FXYD5: variants seen among roughly 807,000 people sequenced by gnomAD.
FXYD5 encodes the protein FXYD domain containing ion transport regulator 5.
A neutral mutation model predicts 25.7 loss-of-function variants in FXYD5; 21 were observed. The ratio of observed to expected loss-of-function variants is 0.82; its 90% CI spans 0.58 to 1.18. The LOEUF (loss-of-function observed/expected upper bound fraction) is 1.18. FXYD5 is among the 50% of genes most tolerant of loss of function. The pLI is 0.00. For synonymous variants in FXYD5, 101 were observed against 90.7 expected, an observed-to-expected ratio of 1.11 and a Z score of -0.64; for missense variants, 229 against 227.7, an observed-to-expected ratio of 1.01 and a Z score of -0.04.
chr19:35,160,507 C>G (rs961226829), intron 4 of FXYD5, among the ~76,000 whole-genome samples: 11 of 152,116 alleles, frequency 7.2e-5, no homozygotes, highest in Non-Finnish European at 1.6e-4. Context: ...CGACCACGCC[C>G]AGCTAATTTT....
intron 4 of FXYD5, 78 bp downstream of exon 4, chr19:35,158,478 C>T: frequency 1.1e-6 from 1 of 886,634 alleles, no homozygotes; most frequent in African/African-American, 1.6e-5. Flanking sequence ...CACTATAGGT[C>T]TTTGGTTGCC....
Position 35,155,749 on chromosome 19 carries a change from T to A in FXYD5, c.61+138T>A, listed in dbSNP as rs145018650. On this transcript the variant is annotated intron_variant, in intron 2 of 8. Coordinates refer to ENST00000392219, the MANE Select transcript of FXYD5 (RefSeq NM_014164.6). ...CTCCCGCTGAGCCGGCACCAGGAAG[T>A]GGGGATCCCTATGGCGGGGCGACGT... is the stretch of plus-strand genomic sequence containing the variant. 1,702 of 712,976 alleles carry A rather than the reference T, an allele frequency of 2.4e-3. 26 individuals are homozygous for A. In the African/African-American group the frequency reaches 0.026, roughly 11 times the overall value. The allele number at this position is 712,976 out of a possible 1,614,324, so 44.2% of individuals were successfully genotyped here.
At chr19:35,159,779 AG>A in intron 4 of FXYD5, 2 of 1,092,488 alleles carry the variant, frequency 1.8e-6, no homozygotes, top group Non-Finnish European at 2.5e-6. Flanking sequence ...AGAGGCTGTG[AG>A]TAACTGGTTC....
Position 35,157,537 on chromosome 19 carries a change from T to C in FXYD5, c.142+36T>C, listed in dbSNP as rs769416278. 3.9e-6 allele frequency: 4 copies of C among 1,038,180 alleles called. No homozygotes were observed. In the South Asian group the frequency reaches 3.9e-5, roughly 10 times the overall value. 64.3% of individuals were successfully genotyped at this position (1,038,180 alleles called of 1,614,324 possible). A position where few individuals can be genotyped will look rare whatever the true frequency, so the allele number is the denominator to read the frequency against. On this transcript the variant is annotated intron_variant, in intron 3 of 8. Transcript: ENST00000392219. ...GGACACATCTATCAAGATCCTGTCA[T>C]TGCAAATAACAACAGCAACAAAAAT...
intron 1 of FXYD5, 81 bp from the exon 2 acceptor site, chr19:35,155,470 A>G (rs562995130): frequency 2.6e-6 from 3 of 1,164,114 alleles, no homozygotes; most frequent in African/African-American, 1.5e-5. Flanking sequence ...GGGCAGGGAA[A>G]GGGCTGCAGG....
intron 2 of FXYD5, among the ~76,000 whole-genome samples, chr19:35,156,020 C>T (rs1446990940): frequency 6.6e-6 from 1 of 152,206 alleles, no homozygotes; most frequent in African/African-American, 2.4e-5. Flanking sequence ...AACATCTCAG[C>T]CTTGCCTGGA....
At chr19:35,166,645 A>T in intron 8 of FXYD5, 2 of 428,272 alleles carry the variant, frequency 4.7e-6, no homozygotes, top group South Asian at 6.8e-5. Context: ...TTGCCACATC[A>T]TCTTATCCTT....
chr19:35,164,292 C>A, intron 6 of FXYD5, 47 bp downstream of exon 6: 2 of 1,557,828 alleles, frequency 1.3e-6, no homozygotes, highest in Non-Finnish European at 1.7e-6. Context: ...TTTCTGTTCA[C>A]TGTGTATTTC....
chr19:35,157,528 A>T (rs1349938691), intron 3 of FXYD5, 27 bp downstream of exon 3: 1 of 1,113,802 alleles, frequency 9.0e-7, no homozygotes, highest in South Asian at 1.2e-5. Flanking sequence ...ATCTATCAAG[A>T]TCCTGTCATT....
At position 35,164,199 on chromosome 19, in the gene FXYD5, C is replaced by T; in HGVS notation, c.336C>T (p.Ser112=). ...DDTTTLSERP[S]PSTDVQTDPQ... Reference sequence around the variant, plus strand: ...CCACGACGCTCTCTGAGAGACCATCCCCAAGCACAGACGTCCAGACAGACC... The same window carrying T: ...CCACGACGCTCTCTGAGAGACCATCTCCAAGCACAGACGTCCAGACAGACC... The change falls in exon 6 of 9, where the codon TCC becomes TCT. Residue 112 remains serine, a synonymous_variant. Coordinates refer to ENST00000392219, the MANE Select transcript of FXYD5 (RefSeq NM_014164.6). 1 of 1,614,048 alleles carries T rather than the reference C, an allele frequency of 6.2e-7. No homozygotes were observed. Among genetic ancestry groups the T allele is most frequent in the South Asian group, 1.1e-5 (1 of 91,072 alleles).
At chr19:35,160,637 C>T (rs780741450) in intron 4 of FXYD5, 72 bp from the exon 5 acceptor site, 40 of 1,041,196 alleles carry the variant, frequency 3.8e-5, no homozygotes, top group Admixed American at 6.8e-5. Flanking sequence ...TAAGCCACCG[C>T]GCCCGGCCCC....
chr19:35,155,346 AG>A (rs2065343002), intron 1 of FXYD5: 1 of 590,400 alleles, frequency 1.7e-6, no homozygotes. Context: ...GGGGACCTGC[AG>A]GGGAAGGAAG....
chr19:35,167,571 A>G (rs1243788058), intron 8 of FXYD5, among the ~76,000 whole-genome samples: 1 of 152,206 alleles, frequency 6.6e-6, no homozygotes, highest in East Asian at 1.9e-4. Context: ...AATTTTTTAA[A>G]AAGGTTTTTA....
chr19:35,166,018 T>C (rs982818475), intron 6 of FXYD5, 124 bp from the exon 7 acceptor site: 1 of 832,588 alleles, frequency 1.2e-6, no homozygotes, highest in Non-Finnish European at 2.1e-6. Flanking sequence ...TTGTGTGCCA[T>C]GGTGAAGATT....
rs2065468800 is a variant in FXYD5, at chr19:35,168,334, A to G, written c.488-1232A>G. 2.0e-5 allele frequency among the ~76,000 whole-genome samples: 3 copies of G among 152,200 alleles called. No homozygotes were observed. The South Asian group carries it at 6.2e-4, about 32-fold the overall frequency. ...TGGATACAGAGAAAGATATTTGCCA[A>G]ATAAAGCAGAGTGACAGGGAAGAGA... On this transcript the variant is annotated intron_variant, in intron 8 of 8. Coordinates refer to ENST00000392219, the MANE Select transcript of FXYD5 (RefSeq NM_014164.6).
At position 35,160,809 on chromosome 19, in the gene FXYD5, A is replaced by G; in HGVS notation, c.292+8A>G. On this transcript the variant is annotated splice_region_variant and intron_variant, in intron 5 of 8. Coordinates refer to ENST00000392219, the MANE Select transcript of FXYD5 (RefSeq NM_014164.6). ...ACAAGAGCACCAAAGCAGGTATAGC[A>G]TGGGACTGAGAGCAGCAGCCTACGA... The G allele has an allele frequency of 1.9e-6, 3 of 1,568,016 alleles. No individual in the cohort carries two copies. The highest frequency in any genetic ancestry group is 1.8e-6 in the Non-Finnish European group (2 of 1,137,914).
At chr19:35,158,699 C>G (rs1329987427) in intron 4 of FXYD5, among the ~76,000 whole-genome samples, 3 of 152,190 alleles carry the variant, frequency 2.0e-5, no homozygotes, top group African/African-American at 7.2e-5. Context: ...GGTCAAGGAG[C>G]AGAACTTTGC....
chr19:35,157,589 T>A (rs1470824530), intron 3 of FXYD5, 88 bp downstream of exon 3: 1 of 730,158 alleles, frequency 1.4e-6, no homozygotes, highest in Non-Finnish European at 2.5e-6. Context: ...ACAAGGGAAT[T>A]TATGGATTTA....
At chr19:35,164,004 C>T in intron 5 of FXYD5, 152 bp from the exon 6 acceptor site, 1 of 1,503,822 alleles carries the variant, frequency 6.6e-7, no homozygotes, top group Non-Finnish European at 8.9e-7. Flanking sequence ...CTTATTGCCT[C>T]TAGGTGTGGA....
Sources: gnomAD v4.1 joint callset for allele counts (sites outside exome capture counted in the v4.1 genomes callset) on GRCh38, gnomAD v4.1.1 for gene constraint, MANE v1.5 for transcripts, NCBI Gene and HGNC (gene_info 2026-07-23, HGNC 2026-07-21) for gene names.